The following MAGI2 variants were observed in gnomAD, a reference collection of about 807,000 sequenced individuals.
The protein encoded by MAGI2 is membrane associated guanylate kinase, WW and PDZ domain containing 2, also known as membrane-associated guanylate kinase, WW and PDZ domain-containing protein 2.
In MAGI2, 35 loss-of-function variants were observed where a neutral mutation model predicts 133.3. That is an observed-to-expected ratio of 0.26 (90% CI 0.20 to 0.35). The LOEUF (loss-of-function observed/expected upper bound fraction) is 0.35. Ranked by LOEUF, MAGI2 falls within the 10% of genes least tolerant of loss-of-function variation. MAGI2 has a pLI of 1.00. For synonymous variants in MAGI2, 729 were observed against 710.6 expected, an observed-to-expected ratio of 1.03 and a Z score of -0.41; for missense variants, 1,636 against 1,863.4, an observed-to-expected ratio of 0.88 and a Z score of 2.25.
At chr7:78,217,085 C>T (rs1026838434) in intron 10 of MAGI2, among the ~76,000 whole-genome samples, 9 of 152,218 alleles carry the variant, frequency 5.9e-5, no homozygotes, top group Non-Finnish European at 1.0e-4. Flanking sequence ...GTGGCTCACC[C>T]TACTCCAGTA....
chr7:78,701,279 C>T (rs322002), intron 2 of MAGI2, among the ~76,000 whole-genome samples: 105,736 of 151,780 alleles, frequency 0.7, 37,103 homozygotes, highest in East Asian at 0.83. Flanking sequence ...GTGATTTTGA[C>T]TGTAAACAAG....
rs370878683 is a variant in MAGI2, at chr7:78,612,685, T to C, written c.538+14435A>G. 4.9e-4 allele frequency among the ~76,000 whole-genome samples: 74 copies of C among 152,252 alleles called. No individual in the cohort carries two copies. In the East Asian group the frequency reaches 0.014, roughly 28 times the overall value. Reference sequence around the variant, plus strand: ...ACATTTTATTTTTTTTAATTTTTTTTTTGAGGCGGGGTCTCGCTCTGTCGC... The same window carrying C: ...ACATTTTATTTTTTTTAATTTTTTTCTTGAGGCGGGGTCTCGCTCTGTCGC... On this transcript the variant is annotated intron_variant, in intron 3 of 21. Transcript: ENST00000354212.
chr7:78,987,879 TTATAATTA>T, intron 2 of MAGI2, among the ~76,000 whole-genome samples: 1 of 151,946 alleles, frequency 6.6e-6, no homozygotes, highest in East Asian at 1.9e-4. Flanking sequence ...GAAAAAAGAT[TTATAATTA>T]TATATCTTAC....
chr7:79,064,328 G>A (rs1245238716), intron 1 of MAGI2, among the ~76,000 whole-genome samples: 1 of 152,036 alleles, frequency 6.6e-6, no homozygotes, highest in African/African-American at 2.4e-5. Context: ...AGGATGTCAT[G>A]TGGTTATTCC....
chr7:78,726,911 A>C (rs963685082), intron 2 of MAGI2, among the ~76,000 whole-genome samples: 8 of 150,378 alleles, frequency 5.3e-5, no homozygotes, highest in Non-Finnish European at 1.2e-4. Context: ...AAATTCTCAG[A>C]TGCATGGGTT....
intron 6 of MAGI2, among the ~76,000 whole-genome samples, chr7:78,444,235 T>C (rs904004027): frequency 9.2e-5 from 14 of 152,128 alleles, no homozygotes; most frequent in African/African-American, 3.4e-4. Context: ...TATATGTATA[T>C]GGCTTTAAAT....
intron 20 of MAGI2, among the ~76,000 whole-genome samples, chr7:78,079,937 G>A (rs1039047301): frequency 2.6e-5 from 4 of 152,200 alleles, no homozygotes; most frequent in Admixed American, 1.3e-4. Context: ...TCTCATCTCA[G>A]TGCAAGTAAC....
intron 1 of MAGI2, among the ~76,000 whole-genome samples, chr7:79,407,125 T>G (rs778304950): frequency 6.6e-6 from 1 of 152,164 alleles, no homozygotes; most frequent in Non-Finnish European, 1.5e-5. Flanking sequence ...ATGCGTTTTG[T>G]AAAATGTAAT....
At chr7:78,321,400 T>C (rs890370449) in intron 9 of MAGI2, among the ~76,000 whole-genome samples, 1 of 152,130 alleles carries the variant, frequency 6.6e-6, no homozygotes, top group Non-Finnish European at 1.5e-5. Context: ...CAAAACAGCA[T>C]GATACTGGTA....
intron 21 of MAGI2, among the ~76,000 whole-genome samples, chr7:78,025,301 A>G (rs538426644): frequency 1.6e-3 from 199 of 125,204 alleles, no homozygotes; most frequent in African/African-American, 5.8e-3. Flanking sequence ...GAGAACTCCA[A>G]TCTACAGTAG....
chr7:79,282,195 T>C (rs1396160783), intron 1 of MAGI2, among the ~76,000 whole-genome samples: 2 of 152,170 alleles, frequency 1.3e-5, no homozygotes, highest in Non-Finnish European at 2.9e-5. Flanking sequence ...TTTCATTAGG[T>C]ATATACAGCA....
intron 2 of MAGI2, among the ~76,000 whole-genome samples, chr7:78,757,133 A>G (rs1032313009): frequency 1.3e-5 from 2 of 152,122 alleles, no homozygotes; most frequent in Non-Finnish European, 2.9e-5. Context: ...AAATCTCTCC[A>G]CCTAACTCCT....
chr7:79,191,524 C>T (rs1358447191), intron 1 of MAGI2, among the ~76,000 whole-genome samples: 5 of 145,364 alleles, frequency 3.4e-5, no homozygotes, highest in Non-Finnish European at 6.0e-5. Flanking sequence ...CTCAAGTGAT[C>T]CTCCTGCCTC....
chr7:78,190,977 A>G (rs1410945731), intron 12 of MAGI2, among the ~76,000 whole-genome samples: 1 of 152,256 alleles, frequency 6.6e-6, no homozygotes, highest in African/African-American at 2.4e-5. Flanking sequence ...GTCTGTTATC[A>G]ACAGAGACTA....
At chr7:78,288,794 T>A (rs185753957) in intron 9 of MAGI2, among the ~76,000 whole-genome samples, 51 of 152,306 alleles carry the variant, frequency 3.3e-4, no homozygotes, top group African/African-American at 1.2e-3. Context: ...CATTCTGCAA[T>A]ATTTGCTGTT....
rs1268628942 is a variant in MAGI2, at chr7:79,367,856, G to C, written c.301+85164C>G. On this transcript the variant is annotated intron_variant, in intron 1 of 21. Transcript: ENST00000354212. ...GTCATATATATATGCTTATATATGT[G>C]ACATATATATATATATATATGTCAT... 3.2e-3 allele frequency among the ~76,000 whole-genome samples: 221 copies of C among 70,034 alleles called. 12 individuals carry two copies. The highest frequency in any genetic ancestry group is 0.017 in the African/African-American group (206 of 12,228). The allele number at this position is 70,034 out of a possible 152,430, so 45.9% of individuals were successfully genotyped here.
chr7:78,475,501 A>T lies in MAGI2; in HGVS notation c.1045+14260T>A, dbSNP rs562526901. ...AATAAAGATTAGAAGAACACAGGTA[A>T]GAATATAGTTTAGTAATAGAAAGAA... On this transcript the variant is annotated intron_variant, in intron 6 of 21. Coordinates refer to ENST00000354212, the MANE Select transcript of MAGI2 (RefSeq NM_012301.4). 2.6e-5 allele frequency among the ~76,000 whole-genome samples: 4 copies of T among 152,142 alleles called. No homozygotes were observed. The East Asian group carries it at 7.8e-4, about 30-fold the overall frequency.
At chr7:78,159,310 A>G (rs1480611013) in intron 16 of MAGI2, among the ~76,000 whole-genome samples, 1 of 152,178 alleles carries the variant, frequency 6.6e-6, no homozygotes, top group Non-Finnish European at 1.5e-5. Flanking sequence ...CCTTCTGACT[A>G]TATCTCATGC....
intron 7 of MAGI2, chr7:78,359,485 T>C (rs1011078626): frequency 1.3e-5 from 2 of 152,234 alleles, no homozygotes; most frequent in Non-Finnish European, 2.9e-5. Context: ...TTTTTGTTCA[T>C]AAACTTATCC....
Sources: allele counts gnomAD v4.1 joint callset (sites outside exome capture counted in the v4.1 genomes callset), GRCh38; gene constraint gnomAD v4.1.1; transcripts MANE v1.5; gene names NCBI Gene and HGNC (gene_info 2026-07-23, HGNC 2026-07-21).